SLC24A2: variants seen among roughly 807,000 people sequenced by gnomAD.
SLC24A2 encodes the protein sodium/potassium/calcium exchanger 2.
Under a neutral mutation model 62.0 loss-of-function variants are expected in SLC24A2, and 36 were observed. The ratio of observed to expected loss-of-function variants is 0.58; its 90% CI spans 0.44 to 0.77. SLC24A2 has a LOEUF of 0.77. Ranked by LOEUF, SLC24A2 falls within the 30% of genes least tolerant of loss-of-function variation. The pLI, the probability that SLC24A2 is intolerant of heterozygous loss-of-function variation, is 0.00. For synonymous variants in SLC24A2, 358 were observed against 294.0 expected (o/e 1.22, Z -2.23); for missense variants, 846 against 817.9 (o/e 1.03, Z -0.42).
chr9:19,741,763 T>G (rs190448669), intron 2 of SLC24A2, among the ~76,000 whole-genome samples: 69 of 152,340 alleles, frequency 4.5e-4, no homozygotes, highest in Non-Finnish European at 7.3e-5. Flanking sequence ...GCTGCCTGTG[T>G]GATGACATAC....
At chr9:20,224,882 GAT>G in the SLC24A2 span, among the ~76,000 whole-genome samples, 16 of 152,066 alleles carry the variant, frequency 1.1e-4, no homozygotes, top group African/African-American at 3.6e-4. Context: ...GCCCTTGGCT[GAT>G]GGGAGCTACT....
intron 2 of SLC24A2, among the ~76,000 whole-genome samples, chr9:19,629,260 G>T (rs1226289562): frequency 6.6e-6 from 1 of 152,178 alleles, no homozygotes; most frequent in Non-Finnish European, 1.5e-5. Context: ...TTTCCTTGCA[G>T]TGACCTGTGA....
chr9:19,528,483 A>G (rs1298018809), intron 8 of SLC24A2, among the ~76,000 whole-genome samples: 3 of 151,972 alleles, frequency 2.0e-5, no homozygotes, highest in Non-Finnish European at 4.4e-5. Flanking sequence ...TTAACACCAT[A>G]TTCTCCCTCC....
At chr9:20,270,143 A>G in the SLC24A2 span, among the ~76,000 whole-genome samples, 7 of 152,174 alleles carry the variant, frequency 4.6e-5, no homozygotes, top group East Asian at 1.3e-3. Context: ...GAGCGAGCTC[A>G]TTCACAACCA....
chr9:20,147,165 A>G, the SLC24A2 span, among the ~76,000 whole-genome samples: 4 of 152,136 alleles, frequency 2.6e-5, no homozygotes, highest in Non-Finnish European at 4.4e-5. Context: ...CAAATGAAGT[A>G]TTGACTTGGG....
At chr9:19,822,762 A>T in the SLC24A2 span, among the ~76,000 whole-genome samples, 1 of 152,170 alleles carries the variant, frequency 6.6e-6, no homozygotes, top group East Asian at 1.9e-4. Flanking sequence ...GTTTACAAGG[A>T]CTTCATCACA....
At chr9:20,022,963 T>C in the SLC24A2 span, among the ~76,000 whole-genome samples, 2 of 152,128 alleles carry the variant, frequency 1.3e-5, no homozygotes, top group African/African-American at 4.8e-5. Context: ...ATGAAGAAGG[T>C]GGGGATCTGG....
At chr9:20,044,830 G>A in the SLC24A2 span, among the ~76,000 whole-genome samples, 2 of 152,070 alleles carry the variant, frequency 1.3e-5, no homozygotes, top group Admixed American at 1.3e-4. Flanking sequence ...ATAATACTCA[G>A]TGAAGCAAAA....
chr9:19,750,561 G>C (rs753614462), intron 2 of SLC24A2, among the ~76,000 whole-genome samples: 3 of 152,026 alleles, frequency 2.0e-5, no homozygotes, highest in African/African-American at 4.8e-5. Context: ...AACAGCAAAA[G>C]GGTCTGAACT....
At chr9:20,199,711 CTTTTTTCTTTCTTTT>C in the SLC24A2 span, among the ~76,000 whole-genome samples, 1 of 150,980 alleles carries the variant, frequency 6.6e-6, no homozygotes, top group African/African-American at 2.4e-5. Flanking sequence ...GGGTTTCTTT[CTTTTTTCTTTCTTTT>C]TTTTTTTTTT....
At chr9:20,300,900 T>G in the SLC24A2 span, among the ~76,000 whole-genome samples, 1 of 152,234 alleles carries the variant, frequency 6.6e-6, no homozygotes, top group Non-Finnish European at 1.5e-5. Context: ...TTTGCCTGCC[T>G]GCTGTTGCAA....
chr9:19,900,448 T>G, the SLC24A2 span, among the ~76,000 whole-genome samples: 1 of 152,170 alleles, frequency 6.6e-6, no homozygotes, highest in Non-Finnish European at 1.5e-5. Flanking sequence ...CGCCTATTAT[T>G]GGTGGACTCC....
At chr9:19,897,600 C>A in the SLC24A2 span, among the ~76,000 whole-genome samples, 2 of 152,184 alleles carry the variant, frequency 1.3e-5, no homozygotes, top group East Asian at 1.9e-4. Flanking sequence ...AAACATGTGT[C>A]CTCATTATAT....
At chr9:19,842,538 A>C in the SLC24A2 span, among the ~76,000 whole-genome samples, 1 of 152,112 alleles carries the variant, frequency 6.6e-6, no homozygotes, top group Non-Finnish European at 1.5e-5. Context: ...AGGAATGGCT[A>C]CTCTCACAAT....
chr9:20,147,722 C>A, the SLC24A2 span, among the ~76,000 whole-genome samples: 1 of 151,442 alleles, frequency 6.6e-6, no homozygotes, highest in Non-Finnish European at 1.5e-5. Context: ...CAGAGGATGG[C>A]CCGTGGTCAG....
the SLC24A2 span, among the ~76,000 whole-genome samples, chr9:19,820,554 TAAATAA>T: frequency 6.6e-6 from 1 of 151,148 alleles, no homozygotes; most frequent in South Asian, 2.1e-4. Context: ...AATAAATAAA[TAAATAA>T]AAATAAAGAG....
In SLC24A2 at chr9:19,576,957, T is replaced by C. The variant is rs779519139; in HGVS notation, c.1195A>G (p.Asn399Asp). 2 of 1,614,152 alleles carry C rather than the reference T, an allele frequency of 1.2e-6. No homozygotes were observed. Among genetic ancestry groups the C allele is most frequent in the Non-Finnish European group, 1.7e-6 (2 of 1,179,988 alleles). ...TTGGCAGCCCCATTCTGCCTCTCGT[T>C]CTCATCCACATGACATTTCTTCTTG... ...IAKKKCHVDE[N>D]ERQNGAANHV... The change falls in exon 6 of 11, where the codon AAC becomes GAC. Residue 399 changes from asparagine (N) to aspartate (D), a missense_variant. Asn to Asp is a conservative substitution (Grantham distance 23). Coordinates refer to ENST00000341998, the MANE Select transcript of SLC24A2 (RefSeq NM_020344.4).
intron 4 of SLC24A2, among the ~76,000 whole-genome samples, chr9:19,610,990 G>A (rs879083475): frequency 1.3e-5 from 2 of 152,184 alleles, no homozygotes; most frequent in African/African-American, 2.4e-5. Flanking sequence ...AAATACATAC[G>A]TTCACGGGGA....
At chr9:20,164,892 C>G in the SLC24A2 span, among the ~76,000 whole-genome samples, 1 of 148,856 alleles carries the variant, frequency 6.7e-6, no homozygotes, top group South Asian at 2.1e-4. Flanking sequence ...GAACAACAAA[C>G]GAAACACCGC....
Sources: allele counts gnomAD v4.1 joint callset (sites outside exome capture counted in the v4.1 genomes callset), GRCh38; gene constraint gnomAD v4.1.1; transcripts MANE v1.5; gene names NCBI Gene and HGNC (gene_info 2026-07-23, HGNC 2026-07-21).